The following SLC16A10 variants were observed in gnomAD, a reference collection of about 807,000 sequenced individuals.
SLC16A10 encodes monocarboxylate transporter 10.
Under a neutral mutation model 40.0 loss-of-function variants are expected in SLC16A10, and 27 were observed. That is an observed-to-expected ratio of 0.67 (90% CI 0.50 to 0.93). SLC16A10 has a LOEUF of 0.93. Among genes scored for constraint, SLC16A10 ranks in the 40% least tolerant of loss-of-function variants. The pLI, the probability that SLC16A10 is intolerant of heterozygous loss-of-function variation, is 0.00. For missense variants in SLC16A10, 529 were observed against 658.2 expected (o/e 0.80, Z 2.15); for synonymous variants, 213 against 249.8 (o/e 0.85, Z 1.39).
intron 1 of SLC16A10, among the ~76,000 whole-genome samples, chr6:111,134,601 C>T (rs536398261): frequency 6.6e-6 from 1 of 151,676 alleles, no homozygotes; most frequent in Non-Finnish European, 1.5e-5. Flanking sequence ...CTCAGGCAAG[C>T]GGACTTTGGA....
rs759166727 is a variant in SLC16A10, at chr6:111,175,680, A to G, written c.489-1532A>G. Among the ~76,000 whole-genome samples the G allele has an allele frequency of 2.0e-5, 3 of 151,116 alleles. No individual in the cohort carries two copies. In the Middle Eastern group the frequency reaches 0.01, roughly 518 times the overall value. On this transcript the variant is annotated intron_variant, in intron 2 of 5. Coordinates refer to ENST00000368851, the MANE Select transcript of SLC16A10 (RefSeq NM_018593.5). The stretch of plus-strand genomic sequence containing the variant: ...GATGTCTTGTTTCTTTAAGCAGACT[A>G]TGAATATCTTGAAGGCAGAACCACA...
chr6:111,089,692 T>C (rs1388207020), intron 1 of SLC16A10, among the ~76,000 whole-genome samples: 2 of 152,050 alleles, frequency 1.3e-5, no homozygotes, highest in Non-Finnish European at 1.5e-5. Context: ...ACAAAAATAG[T>C]TTGTTGTCTT....
At chr6:111,205,151 CAG>C (rs1250911815) in intron 3 of SLC16A10, among the ~76,000 whole-genome samples, 1 of 151,984 alleles carries the variant, frequency 6.6e-6, no homozygotes, top group African/African-American at 2.4e-5. Context: ...TATGAAAACA[CAG>C]AAGTTAGGGA....
intron 4 of SLC16A10, among the ~76,000 whole-genome samples, chr6:111,213,816 G>T (rs1773381537): frequency 6.6e-6 from 1 of 152,224 alleles, no homozygotes; most frequent in South Asian, 2.1e-4. Flanking sequence ...TGTGTGGCCT[G>T]ACATTTTCCT....
intron 1 of SLC16A10, among the ~76,000 whole-genome samples, chr6:111,108,393 C>A (rs1771324664): frequency 6.6e-6 from 1 of 152,060 alleles, no homozygotes; most frequent in Admixed American, 6.6e-5. Context: ...TAAAGGGCAC[C>A]TATTTTTCTT....
At chr6:111,149,275 C>T (rs534816560) in intron 1 of SLC16A10, among the ~76,000 whole-genome samples, 4 of 152,284 alleles carry the variant, frequency 2.6e-5, no homozygotes, top group South Asian at 2.1e-4. Flanking sequence ...TTAAGGAACC[C>T]GCTTCTTTCT....
intron 1 of SLC16A10, among the ~76,000 whole-genome samples, chr6:111,166,299 T>A (rs1772472176): frequency 6.6e-6 from 1 of 151,880 alleles, no homozygotes; most frequent in African/African-American, 2.4e-5. Flanking sequence ...CCCTTCCCAG[T>A]TCAATTTTAA....
chr6:111,093,860 GAGA>G (rs1225682309), intron 1 of SLC16A10, among the ~76,000 whole-genome samples: 1 of 152,150 alleles, frequency 6.6e-6, no homozygotes. Context: ...TAAAATAAGT[GAGA>G]AGATTATAAA....
chr6:111,198,454 G>T (rs537495312), intron 3 of SLC16A10, among the ~76,000 whole-genome samples: 24 of 152,274 alleles, frequency 1.6e-4, no homozygotes, highest in African/African-American at 5.5e-4. Flanking sequence ...CAATGTCATT[G>T]TTGTGCAAAC....
chr6:111,177,247 T>C lies in SLC16A10; in HGVS notation c.524T>C (p.Ile175Thr). ...CCTCTGTACCTTACCTATGGAATCA[T>C]ATTTGCCTGCGGCTGCTCCTTTGCA... ...IEPLYLTYGI[I>T]FACGCSFAYQ... is the part of the protein sequence containing the mutation. The change falls in exon 3 of 6, where the codon ATA (isoleucine) becomes ACA (threonine). Residue 175 changes from isoleucine to threonine, a missense_variant. Physicochemically the swap from Ile to Thr is moderately conservative, Grantham distance 89 (BLOSUM62 -1). Coordinates refer to ENST00000368851, the MANE Select transcript of SLC16A10 (RefSeq NM_018593.5). 6.3e-7 allele frequency: 1 copy of C among 1,575,472 alleles called. No homozygotes were observed. Among genetic ancestry groups the C allele is most frequent in the Non-Finnish European group, 8.6e-7 (1 of 1,163,622 alleles).
At chr6:111,202,836 G>C (rs1015602553) in intron 3 of SLC16A10, among the ~76,000 whole-genome samples, 5 of 142,926 alleles carry the variant, frequency 3.5e-5, no homozygotes, top group Non-Finnish European at 6.0e-5. Context: ...GCAGTGAGCT[G>C]AGATCATGCC....
intron 1 of SLC16A10, among the ~76,000 whole-genome samples, chr6:111,088,890 C>G (rs1046676023): frequency 6.6e-6 from 1 of 152,114 alleles, no homozygotes; most frequent in African/African-American, 2.4e-5. Flanking sequence ...AGACCTTCTG[C>G]ATGACACTTT....
At chr6:111,178,584 T>A (rs774931888) in intron 3 of SLC16A10, 1 of 320,640 alleles carries the variant, frequency 3.1e-6, no homozygotes, top group Non-Finnish European at 6.0e-6. Context: ...GAAGAAGCAG[T>A]GTCTAAAGTA....
At chr6:111,113,470 TTTG>T (rs1456635731) in intron 1 of SLC16A10, among the ~76,000 whole-genome samples, 1 of 152,176 alleles carries the variant, frequency 6.6e-6, no homozygotes, top group Non-Finnish European at 1.5e-5. Flanking sequence ...TGGGGTTTTT[TTTG>T]TTGTTGTTTG....
At chr6:111,216,724 G>A (rs1052423504) in intron 4 of SLC16A10, among the ~76,000 whole-genome samples, 2 of 151,976 alleles carry the variant, frequency 1.3e-5, no homozygotes, top group Admixed American at 6.5e-5. Flanking sequence ...CGGCCAACTC[G>A]TATTCCTAAA....
At chr6:111,212,928 T>C (rs981069094) in intron 4 of SLC16A10, among the ~76,000 whole-genome samples, 5 of 152,216 alleles carry the variant, frequency 3.3e-5, no homozygotes, top group Non-Finnish European at 7.3e-5. Context: ...TATACTTTAT[T>C]GGGACAGGAG....
intron 1 of SLC16A10, among the ~76,000 whole-genome samples, chr6:111,146,438 A>G (rs1157966165): frequency 2.6e-5 from 4 of 152,156 alleles, no homozygotes; most frequent in Non-Finnish European, 4.4e-5. Flanking sequence ...TATACCCAAG[A>G]CAATTAAAAA....
intron 1 of SLC16A10, among the ~76,000 whole-genome samples, chr6:111,116,016 C>T (rs1771480404): frequency 1.3e-5 from 2 of 152,056 alleles, no homozygotes; most frequent in African/African-American, 4.8e-5. Flanking sequence ...TTTAGTATCA[C>T]ACTTAGGTTT....
chr6:111,101,842 A>C (rs1256904611), intron 1 of SLC16A10, among the ~76,000 whole-genome samples: 1 of 152,222 alleles, frequency 6.6e-6, no homozygotes, highest in Non-Finnish European at 1.5e-5. Flanking sequence ...GCTGGTCTCA[A>C]ACTCCTGGTC....
Sources: gnomAD v4.1 joint callset for allele counts (sites outside exome capture counted in the v4.1 genomes callset) on GRCh38, gnomAD v4.1.1 for gene constraint, MANE v1.5 for transcripts, NCBI Gene and HGNC (gene_info 2026-07-23, HGNC 2026-07-21) for gene names.